Variants in WDR72 observed in about 807,000 individuals in gnomAD.
WDR72 encodes WD repeat-containing protein 72.
In WDR72, 120 loss-of-function variants were observed where a neutral mutation model predicts 124.2. The observed-to-expected ratio is 0.97, with a 90% CI of 0.83 to 1.12. WDR72 has a LOEUF of 1.12. Ranked by LOEUF, WDR72 falls within the 50% of genes most tolerant of loss-of-function variation. The pLI is 0.00. For missense variants in WDR72, 1,387 were observed against 1,278.8 expected (o/e 1.08, Z -1.29); for synonymous variants, 452 against 441.7 (o/e 1.02, Z -0.29).
rs186479033 is a variant in WDR72 at position 53,608,588 on chromosome 15, C to A, written c.2952+925G>T. ...TGGGCAACATGGCAAAACTCCATCT[C>A]TTTAAAAATACAGAAAAAATTAGCC... On this transcript the variant is annotated intron_variant, in intron 17 of 19. Coordinates refer to ENST00000360509, the MANE Select transcript of WDR72 (RefSeq NM_182758.4). 7.6e-4 allele frequency among the ~76,000 whole-genome samples: 115 copies of A among 151,878 alleles called. 2 individuals carry two copies. The highest frequency in any genetic ancestry group is 2.7e-3 in the African/African-American group (113 of 41,422).
intron 13 of WDR72, among the ~76,000 whole-genome samples, chr15:53,674,668 A>G (rs1263276214): frequency 6.6e-6 from 1 of 152,244 alleles, no homozygotes; most frequent in African/African-American, 2.4e-5. Flanking sequence ...ATGGAGTGTC[A>G]AAGACCTGGC....
At chr15:53,749,638 G>T (rs1402619783) in intron 1 of WDR72, among the ~76,000 whole-genome samples, 2 of 152,168 alleles carry the variant, frequency 1.3e-5, no homozygotes, top group African/African-American at 4.8e-5. Context: ...AGGAAGACAT[G>T]TTGAAAGTCA....
rs540321291 is a variant in WDR72 at position 53,688,944 on chromosome 15, G to C, written c.1765+10806C>G. Among the ~76,000 whole-genome samples, 86 of 152,260 alleles carry C rather than the reference G, an allele frequency of 5.6e-4. No homozygotes were observed. The East Asian group carries it at 7.0e-3, about 12-fold the overall frequency. ...CAGCTATCTGATCTTTGACAAACCT[G>C]AGAAAAACAAGAAATGGGGAAAGGA... On this transcript the variant is annotated intron_variant, in intron 13 of 19. Transcript: ENST00000360509.
In WDR72 at chr15:53,615,545, T is replaced by A. The variant is rs1566985533; in HGVS notation, c.2661A>T (p.Gly887=). 6.2e-7 allele frequency: 1 copy of A among 1,613,040 alleles called. No individual in the cohort carries two copies. Among genetic ancestry groups the A allele is most frequent in the Non-Finnish European group, 8.5e-7 (1 of 1,179,420 alleles). Residue 887 remains glycine (G), a synonymous_variant, in exon 15 of 20, where the codon GGA becomes GGT. Transcript: ENST00000360509. ...GCAAAGAATCACAATTATTTTCCAATCCTCTTGGAATTCCAACCTGATTTG... is the reference window on the plus strand; with the variant it reads ...GCAAAGAATCACAATTATTTTCCAAACCTCTTGGAATTCCAACCTGATTTG... ...TLPNQVGIPR[G]LENNCDSLRE... is the part of the protein sequence containing the mutation.
chr15:53,687,354 A>T (rs1031124653), intron 13 of WDR72, among the ~76,000 whole-genome samples: 3 of 150,498 alleles, frequency 2.0e-5, no homozygotes, highest in African/African-American at 7.4e-5. Context: ...AATCAAATAG[A>T]CGCAATAAAA....
chr15:53,620,614 G>A (rs1330680507), intron 14 of WDR72, among the ~76,000 whole-genome samples: 1 of 152,046 alleles, frequency 6.6e-6, no homozygotes, highest in Non-Finnish European at 1.5e-5. Context: ...AATGAAACTG[G>A]ATCCTCATCT....
At chr15:53,604,075 A>C (rs1230472312) in intron 17 of WDR72, among the ~76,000 whole-genome samples, 2 of 152,210 alleles carry the variant, frequency 1.3e-5, no homozygotes, top group Admixed American at 1.3e-4. Flanking sequence ...ACCTGATTTC[A>C]AACTATACTA....
At chr15:53,706,849 G>A (rs1388867561) in intron 9 of WDR72, among the ~76,000 whole-genome samples, 1 of 151,774 alleles carries the variant, frequency 6.6e-6, no homozygotes, top group African/African-American at 2.4e-5. Context: ...TATAAATTAT[G>A]TATAATATTG....
chr15:53,642,217 C>T (rs921468962), intron 14 of WDR72, among the ~76,000 whole-genome samples: 7 of 151,870 alleles, frequency 4.6e-5, no homozygotes, highest in Non-Finnish European at 1.0e-4. Context: ...ATAGCATAAA[C>T]TAGTAATAAT....
intron 13 of WDR72, among the ~76,000 whole-genome samples, chr15:53,687,110 G>A (rs924138441): frequency 4.0e-5 from 6 of 149,584 alleles, no homozygotes; most frequent in Admixed American, 2.7e-4. Flanking sequence ...GAGAAAGCAG[G>A]AAAGATCCAA....
intron 19 of WDR72, among the ~76,000 whole-genome samples, chr15:53,521,132 G>A (rs992204165): frequency 2.0e-5 from 3 of 152,060 alleles, no homozygotes; most frequent in African/African-American, 7.2e-5. Flanking sequence ...AGTTCACAGT[G>A]AAAGAAGACA....
At chr15:53,625,541 G>A (rs570159724) in intron 14 of WDR72, among the ~76,000 whole-genome samples, 1 of 152,294 alleles carries the variant, frequency 6.6e-6, no homozygotes, top group African/African-American at 2.4e-5. Context: ...ACATGTGAAT[G>A]CTATAAACAG....
intron 18 of WDR72, among the ~76,000 whole-genome samples, chr15:53,548,066 T>A (rs1273390937): frequency 6.6e-6 from 1 of 152,256 alleles, no homozygotes; most frequent in African/African-American, 2.4e-5. Flanking sequence ...AAGTCTATGC[T>A]GAATGTGAGG....
intron 18 of WDR72, among the ~76,000 whole-genome samples, chr15:53,544,182 A>G (rs7182399): frequency 0.19 from 26,813 of 144,512 alleles, 2,506 homozygotes; most frequent in Middle Eastern, 0.23. Flanking sequence ...TCATTCTGAT[A>G]CCAAAGCCGG....
chr15:53,537,900 G>A (rs528707041), intron 18 of WDR72, among the ~76,000 whole-genome samples: 2 of 152,140 alleles, frequency 1.3e-5, no homozygotes, highest in African/African-American at 2.4e-5. Context: ...TATTGTTAGT[G>A]GCCCCCTTTT....
At chr15:53,605,969 T>C (rs141415481) in intron 17 of WDR72, among the ~76,000 whole-genome samples, 28 of 152,248 alleles carry the variant, frequency 1.8e-4, no homozygotes, top group African/African-American at 6.7e-4. Flanking sequence ...AGACAAATAA[T>C]CAAGAAGTTT....
intron 12 of WDR72, among the ~76,000 whole-genome samples, chr15:53,701,536 G>GTCTCTCTCTC (rs370281315): frequency 0.016 from 1,631 of 101,368 alleles, 36 homozygotes; most frequent in Admixed American, 0.05. Flanking sequence ...GTGAGACCCT[G>GTCTCTCTCTC]TCTCTCTCTC....
Position 53,515,550 on chromosome 15 carries a change from A to G in WDR72, c.*2149T>C, listed in dbSNP as rs946198337. 1 of 152,218 alleles carries G rather than the reference A, an allele frequency of 6.6e-6. No individual in the cohort carries two copies. The highest frequency in any genetic ancestry group is 6.5e-5 in the Admixed American group (1 of 15,272). 9.4% of individuals were successfully genotyped at this position (152,218 alleles called of 1,614,324 possible). On this transcript the variant is annotated 3_prime_UTR_variant, in exon 20 of 20. Coordinates refer to ENST00000360509, the MANE Select transcript of WDR72 (RefSeq NM_182758.4). Reference sequence around the variant, plus strand: ...CTATTTTTAGGAATTAAAAGCTTTCATAGTTAATGGTATGATATTGGCCTT... The same window carrying G: ...CTATTTTTAGGAATTAAAAGCTTTCGTAGTTAATGGTATGATATTGGCCTT...
chr15:53,534,235 G>A (rs1892632633), intron 18 of WDR72, among the ~76,000 whole-genome samples: 1 of 152,154 alleles, frequency 6.6e-6, no homozygotes, highest in Non-Finnish European at 1.5e-5. Context: ...CTTCCAGGTA[G>A]TGATGACTGA....
Sources: gnomAD v4.1 joint callset for allele counts (sites outside exome capture counted in the v4.1 genomes callset) on GRCh38, gnomAD v4.1.1 for gene constraint, MANE v1.5 for transcripts, NCBI Gene and HGNC (gene_info 2026-07-23, HGNC 2026-07-21) for gene names.